HGF: variants seen among roughly 807,000 people sequenced by gnomAD.
The protein encoded by HGF is fibroblast-derived tumor cytotoxic factor.
A neutral mutation model predicts 111.6 loss-of-function variants in HGF; 39 were observed. The observed-to-expected ratio is 0.35, with a 90% CI of 0.27 to 0.46. The LOEUF is 0.46. Ranked by LOEUF, HGF falls within the 20% of genes least tolerant of loss-of-function variation. HGF has a pLI of 1.00. For missense variants in HGF, 735 were observed against 910.5 expected (o/e 0.81, Z 2.48); for synonymous variants, 285 against 294.8 (o/e 0.97, Z 0.34).
intron 5 of HGF, chr7:81,750,950 G>C (rs1036980778): frequency 1.1e-6 from 1 of 927,364 alleles, no homozygotes; most frequent in Non-Finnish European, 1.3e-6. Context: ...CAATGAAGAG[G>C]TTATAGGGAA....
intron 13 of HGF, among the ~76,000 whole-genome samples, chr7:81,708,351 C>T (rs926841618): frequency 6.6e-6 from 1 of 151,992 alleles, no homozygotes; most frequent in Non-Finnish European, 1.5e-5. Flanking sequence ...GCTTCACCTG[C>T]TTTTCCAACA....
intron 5 of HGF, among the ~76,000 whole-genome samples, chr7:81,748,864 TACTA>T: frequency 6.6e-6 from 1 of 152,198 alleles, no homozygotes; most frequent in Non-Finnish European, 1.5e-5. Flanking sequence ...TTTCTCATCA[TACTA>T]ACCAACCAAA....
In HGF at chr7:81,725,870, T is replaced by C. The variant is rs750658081; in HGVS notation, c.1168+20A>G. 8.1e-6 allele frequency: 13 copies of C among 1,613,846 alleles called. No individual in the cohort carries two copies. The African/African-American group carries it at 1.6e-4, about 20-fold the overall frequency. ...CCCCTGAATTTAATCATGCCCACCC[T>C]GCAGAATGTCAGCTATTACCTTGTC... On this transcript the variant is annotated intron_variant, in intron 9 of 17. Transcript: ENST00000222390.
intron 7 of HGF, among the ~76,000 whole-genome samples, chr7:81,738,122 G>A (rs766452956): frequency 6.6e-6 from 1 of 152,018 alleles, no homozygotes; most frequent in Non-Finnish European, 1.5e-5. Context: ...AATAACTAAT[G>A]GGTACTAAGT....
chr7:81,727,913 T>C (rs1790062573), intron 8 of HGF, among the ~76,000 whole-genome samples: 1 of 152,242 alleles, frequency 6.6e-6, no homozygotes, highest in Non-Finnish European at 1.5e-5. Flanking sequence ...ACTAGGTCCT[T>C]ACTTTTCACT....
chr7:81,752,775 G>A (rs556242247), intron 4 of HGF, among the ~76,000 whole-genome samples: 35 of 152,172 alleles, frequency 2.3e-4, no homozygotes, highest in African/African-American at 7.7e-4. Flanking sequence ...CCAGAATCCA[G>A]TTAAATCTGG....
intron 2 of HGF, among the ~76,000 whole-genome samples, chr7:81,761,923 G>A (rs568463063): frequency 6.6e-6 from 1 of 152,178 alleles, no homozygotes; most frequent in East Asian, 1.9e-4. Flanking sequence ...GTTAACAATG[G>A]GGTTCAGCTC....
chr7:81,743,293 C>A (rs898231028), intron 7 of HGF, 60 bp downstream of exon 7: 2 of 943,778 alleles, frequency 2.1e-6, no homozygotes, highest in Non-Finnish European at 3.5e-6. Context: ...CACTAATAAT[C>A]GCCTGCTTAG....
chr7:81,717,370 G>A lies in HGF; in HGVS notation c.1272-5C>T, dbSNP rs778083911. ...TCTGGTTCCCAGAAGATATGACTGT[G>A]GAAACAACAGGCCTTGCACATCACA... is the stretch of plus-strand genomic sequence containing the variant. On this transcript the variant is annotated splice_region_variant and splice_polypyrimidine_tract_variant and intron_variant, in intron 10 of 17. Transcript: ENST00000222390. 1.1e-5 allele frequency: 18 copies of A among 1,612,142 alleles called. No homozygotes were observed. The highest frequency in any genetic ancestry group is 5.0e-5 in the Admixed American group (3 of 59,960).
At chr7:81,744,200 A>G (rs1220387354) in intron 6 of HGF, among the ~76,000 whole-genome samples, 1 of 152,158 alleles carries the variant, frequency 6.6e-6, no homozygotes, top group Non-Finnish European at 1.5e-5. Context: ...TTTCCTGTGT[A>G]ATTATTTGTA....
intron 11 of HGF, among the ~76,000 whole-genome samples, chr7:81,714,320 C>T (rs1296634524): frequency 6.6e-6 from 1 of 151,928 alleles, no homozygotes; most frequent in Admixed American, 6.6e-5. Context: ...TGGCTTTGTA[C>T]ACAATAGCAG....
intron 7 of HGF, chr7:81,736,843 G>A (rs184480150): frequency 2.3e-6 from 1 of 434,130 alleles, no homozygotes; most frequent in South Asian, 1.7e-5. Context: ...TTTTGTCATT[G>A]CCCTAAGATC....
At chr7:81,757,338 T>C (rs1484919249) in intron 3 of HGF, 35 bp from the exon 4 acceptor site, 1 of 1,104,408 alleles carries the variant, frequency 9.1e-7, no homozygotes, top group Non-Finnish European at 1.4e-6. Context: ...ATTGCAACTA[T>C]GCAAAACATA....
At chr7:81,722,552 C>A (rs1292150974) in intron 9 of HGF, among the ~76,000 whole-genome samples, 1 of 151,648 alleles carries the variant, frequency 6.6e-6, no homozygotes, top group Non-Finnish European at 1.5e-5. Flanking sequence ...GTGGCTCACA[C>A]CTGTAATCTC....
intron 11 of HGF, among the ~76,000 whole-genome samples, 193 bp from the exon 12 acceptor site, chr7:81,711,712 C>T (rs1326380112): frequency 1.3e-5 from 2 of 152,098 alleles, no homozygotes; most frequent in South Asian, 2.1e-4. Flanking sequence ...GGTGCTATCT[C>T]AGCTCACTGC....
intron 7 of HGF, among the ~76,000 whole-genome samples, chr7:81,742,400 AT>A (rs1788043068): frequency 6.6e-6 from 1 of 152,242 alleles, no homozygotes; most frequent in East Asian, 1.9e-4. Flanking sequence ...TTAATTATAT[AT>A]TTTACTCTAG....
chr7:81,765,025 T>G (rs1466904351), intron 1 of HGF, among the ~76,000 whole-genome samples: 2 of 152,106 alleles, frequency 1.3e-5, no homozygotes, highest in Non-Finnish European at 2.9e-5. Context: ...CACGTATTTC[T>G]TAAATATGTG....
At chr7:81,742,931 G>A (rs1788067068) in intron 7 of HGF, 2 of 1,613,242 alleles carry the variant, frequency 1.2e-6, no homozygotes, top group African/African-American at 1.3e-5. Flanking sequence ...ACCATCAGTT[G>A]AGAGCCCATG....
chr7:81,736,871 G>A, intron 7 of HGF: 1 of 392,420 alleles, frequency 2.5e-6, no homozygotes, highest in Non-Finnish European at 5.0e-6. Flanking sequence ...ATCACTGAAG[G>A]GTTTTTAATT....
Sources: gnomAD v4.1 joint callset for allele counts (sites outside exome capture counted in the v4.1 genomes callset) on GRCh38, gnomAD v4.1.1 for gene constraint, MANE v1.5 for transcripts, NCBI Gene and HGNC (gene_info 2026-07-23, HGNC 2026-07-21) for gene names.